The following UBR2 variants were observed in gnomAD, a reference collection of about 807,000 sequenced individuals.
The protein encoded by UBR2 is ubiquitin protein ligase E3 component n-recognin 2, also known as E3 ubiquitin-protein ligase UBR2.
In UBR2, 92 loss-of-function variants were observed where a neutral mutation model predicts 247.9. That is an observed-to-expected ratio of 0.37 (90% CI 0.31 to 0.44). UBR2 has a LOEUF of 0.44. UBR2 is among the 20% of genes least tolerant of loss of function. The pLI is 1.00. For missense variants in UBR2, 1,613 were observed against 2,112.6 expected, an observed-to-expected ratio of 0.76 and a Z score of 4.64; for synonymous variants, 672 against 693.5, an observed-to-expected ratio of 0.97 and a Z score of 0.49.
chr6:42,673,104 G>A (rs1211489630), intron 36 of UBR2, among the ~76,000 whole-genome samples: 1 of 152,012 alleles, frequency 6.6e-6, no homozygotes, highest in African/African-American at 2.4e-5. Context: ...CTGCTACTTA[G>A]TCCTCATAAC....
At chr6:42,570,803 C>T (rs1388646606) in intron 1 of UBR2, among the ~76,000 whole-genome samples, 2 of 151,926 alleles carry the variant, frequency 1.3e-5, no homozygotes, top group African/African-American at 4.8e-5. Flanking sequence ...CCCACCTCAG[C>T]CTCCTGAGTA....
chr6:42,636,255 G>A (rs1796089726), intron 14 of UBR2, among the ~76,000 whole-genome samples: 1 of 145,444 alleles, frequency 6.9e-6, no homozygotes. Flanking sequence ...CCGGCTCACT[G>A]CAGCCTCAAC....
At position 42,659,976 on chromosome 6, in the gene UBR2, G is replaced by A. The variant is rs974017554; in HGVS notation, c.3442+121G>A. ...TCCATGGACTTGGATGGTATCTTTG[G>A]CAGGTAACTTAGGCAGGAATTCCCC... On this transcript the variant is annotated intron_variant, in intron 30 of 46. Coordinates refer to ENST00000372901, the MANE Select transcript of UBR2 (RefSeq NM_001363705.2). The surrounding 1 kb of genome is among the most constrained non-coding windows in gnomAD (Gnocchi z 4.3). The A allele has an allele frequency of 5.1e-6, 5 of 982,978 alleles. No individual in the cohort carries two copies. In the African/African-American group the frequency reaches 6.5e-5, roughly 13 times the overall value. The allele number at this position is 982,978 out of a possible 1,614,324, so 60.9% of individuals were successfully genotyped here.
At chr6:42,633,217 G>A (rs1795871098) in intron 13 of UBR2, among the ~76,000 whole-genome samples, 1 of 151,748 alleles carries the variant, frequency 6.6e-6, no homozygotes, top group Non-Finnish European at 1.5e-5. Flanking sequence ...ACAGCTTTCT[G>A]TCTGCGCATC....
At chr6:42,574,126 GCT>G in intron 2 of UBR2, 133 bp downstream of exon 2, 7 of 861,730 alleles carry the variant, frequency 8.1e-6, no homozygotes, top group Non-Finnish European at 1.1e-5. Flanking sequence ...ACAAATACAT[GCT>G]ATTTAATAAA....
chr6:42,683,007 A>G (rs756507328), intron 42 of UBR2, 48 bp from the exon 43 acceptor site: 5 of 1,527,584 alleles, frequency 3.3e-6, no homozygotes, highest in Non-Finnish European at 4.4e-6. Context: ...TTCTAGTTCT[A>G]ACCCTTTAAA....
At chr6:42,644,430 C>T (rs1202294862) in intron 19 of UBR2, 43 bp from the exon 20 acceptor site, 6 of 1,601,926 alleles carry the variant, frequency 3.7e-6, no homozygotes, top group East Asian at 4.5e-5. Context: ...ATGCAATATG[C>T]ATATTCTTAT....
Position 42,632,917 on chromosome 6 carries a change from TG to T in UBR2, c.1545+14del. 6.9e-7 allele frequency: 1 copy of T among 1,446,966 alleles called. No individual in the cohort carries two copies. Among genetic ancestry groups the T allele is most frequent in the Non-Finnish European group, 9.2e-7 (1 of 1,085,754 alleles). 89.6% of individuals were successfully genotyped at this position (1,446,966 alleles called of 1,614,324 possible). On this transcript the variant is annotated intron_variant, in intron 13 of 46. Coordinates refer to ENST00000372901, the MANE Select transcript of UBR2 (RefSeq NM_001363705.2). ...AAAATGTATGCAGGTATGTAAAAAC[TG>T]TTACACTTTTCTTTTTCCTTTTTTT... is the stretch of plus-strand genomic sequence containing the variant.
chr6:42,637,468 T>C (rs1190712585), intron 15 of UBR2, among the ~76,000 whole-genome samples: 1 of 151,664 alleles, frequency 6.6e-6, no homozygotes, highest in Non-Finnish European at 1.5e-5. Context: ...CCAGAGGCCA[T>C]GTTTATAGCC....
Position 42,655,808 on chromosome 6 carries a change from T to C in UBR2, c.2872+85T>C, listed in dbSNP as rs1011969794. ...TAATAACCTCTTTTATTTGATCATATAGATTCTAAAAGGGTAATATTTAAT... is the reference window on the plus strand; with the variant it reads ...TAATAACCTCTTTTATTTGATCATACAGATTCTAAAAGGGTAATATTTAAT... On this transcript the variant is annotated intron_variant, in intron 26 of 46. Transcript: ENST00000372901. 6.3e-6 allele frequency: 5 copies of C among 794,414 alleles called. No homozygotes were observed. The South Asian group carries it at 9.8e-5, about 16-fold the overall frequency. The allele number at this position is 794,414 out of a possible 1,614,324, so 49.2% of individuals were successfully genotyped here.
At chr6:42,630,314 A>G (rs1419861141) in intron 11 of UBR2, among the ~76,000 whole-genome samples, 2 of 151,478 alleles carry the variant, frequency 1.3e-5, no homozygotes, top group African/African-American at 4.8e-5. Flanking sequence ...CCTCCCGAGT[A>G]GCTGGGATTA....
intron 38 of UBR2, among the ~76,000 whole-genome samples, chr6:42,675,192 TA>T (rs763134444): frequency 3.3e-5 from 5 of 152,214 alleles, no homozygotes; most frequent in Admixed American, 6.5e-5. Flanking sequence ...TTGCTGCAAC[TA>T]AAACCACCAC....
chr6:42,579,728 C>G (rs1791756309), intron 2 of UBR2, among the ~76,000 whole-genome samples: 1 of 152,118 alleles, frequency 6.6e-6, no homozygotes, highest in South Asian at 2.1e-4. Context: ...AGGCTGGTCT[C>G]AAACTCCTGG....
At chr6:42,583,229 C>T (rs1333488284) in intron 2 of UBR2, among the ~76,000 whole-genome samples, 1 of 152,042 alleles carries the variant, frequency 6.6e-6, no homozygotes, top group Non-Finnish European at 1.5e-5. Flanking sequence ...AAAATAGTTT[C>T]TGTGATTTAT....
At chr6:42,617,564 A>G in intron 11 of UBR2, 57 bp downstream of exon 11, 2 of 1,462,310 alleles carry the variant, frequency 1.4e-6, no homozygotes, top group Non-Finnish European at 1.9e-6. Context: ...AGGCCTTAAA[A>G]TAATAGAGAA....
At chr6:42,645,444 T>A in intron 20 of UBR2, 22 bp from the exon 21 acceptor site, 1 of 1,607,698 alleles carries the variant, frequency 6.2e-7, no homozygotes, top group Non-Finnish European at 8.5e-7. Context: ...TGTATGTATA[T>A]GTACTTTTCC....
rs1345462139 is a variant in UBR2, at chr6:42,691,276, A to C, written c.*103A>C. The C allele has an allele frequency of 1.3e-6, 2 of 1,490,770 alleles. No individual in the cohort carries two copies. The highest frequency in any genetic ancestry group is 1.8e-6 in the Non-Finnish European group (2 of 1,093,946). 92.3% of individuals were successfully genotyped at this position (1,490,770 alleles called of 1,614,324 possible). A position where few individuals can be genotyped will look rare whatever the true frequency, so the allele number is the denominator to read the frequency against. Reference sequence around the variant, plus strand: ...AATTTGGAAATAAATTCTTTATTTAAACTTTCCTTCCCAGTTTTATAGTTT... The same window carrying C: ...AATTTGGAAATAAATTCTTTATTTACACTTTCCTTCCCAGTTTTATAGTTT... On this transcript the variant is annotated 3_prime_UTR_variant, in exon 47 of 47. Coordinates refer to ENST00000372901, the MANE Select transcript of UBR2 (RefSeq NM_001363705.2).
At chr6:42,669,180 C>T (rs1798291198) in intron 34 of UBR2, among the ~76,000 whole-genome samples, 1 of 152,180 alleles carries the variant, frequency 6.6e-6, no homozygotes, top group African/African-American at 2.4e-5. Context: ...CCACCCTGGC[C>T]TCCCAAAGTG....
intron 3 of UBR2, among the ~76,000 whole-genome samples, chr6:42,593,797 T>C (rs1156995222): frequency 6.6e-6 from 1 of 152,192 alleles, no homozygotes; most frequent in Non-Finnish European, 1.5e-5. Flanking sequence ...CCTTAGACTC[T>C]AGGAGACAGC....
Sources: gnomAD v4.1 joint callset for allele counts (sites outside exome capture counted in the v4.1 genomes callset) on GRCh38, gnomAD v4.1.1 for gene constraint, Gnocchi (gnomAD v3.1) non-coding constraint, MANE v1.5 for transcripts, NCBI Gene and HGNC (gene_info 2026-07-23, HGNC 2026-07-21) for gene names.